The following ASAP1 variants were observed in gnomAD, a reference collection of about 807,000 sequenced individuals.
ASAP1 encodes the protein ArfGAP with SH3 domain, ankyrin repeat and PH domain 1, also known as arf-GAP with SH3 domain, ANK repeat and PH domain-containing protein 1.
Under a neutral mutation model 145.2 loss-of-function variants are expected in ASAP1, and 43 were observed. The ratio of observed to expected loss-of-function variants is 0.30; its 90% CI spans 0.23 to 0.38. The LOEUF (loss-of-function observed/expected upper bound fraction) is 0.38, where lower values mean the gene tolerates loss of function less well. ASAP1 is among the 10% of genes least tolerant of loss of function. The pLI is 1.00. For synonymous variants in ASAP1, 546 were observed against 515.5 expected (o/e 1.06, Z -0.80); for missense variants, 1,018 against 1,355.3 (o/e 0.75, Z 3.91).
intron 12 of ASAP1, among the ~76,000 whole-genome samples, chr8:130,156,459 G>A (rs1323725411): frequency 6.6e-6 from 1 of 152,146 alleles, no homozygotes; most frequent in Non-Finnish European, 1.5e-5. Flanking sequence ...GGTGAGGACC[G>A]TATCTCATTT....
At chr8:130,336,973 G>A (rs910009694) in intron 3 of ASAP1, among the ~76,000 whole-genome samples, 14 of 152,130 alleles carry the variant, frequency 9.2e-5, no homozygotes, top group African/African-American at 3.4e-4. Context: ...AAATAGTTTT[G>A]ATCTCTCAGA....
rs111643224 is a variant in ASAP1, at chr8:130,116,920, A to G, written c.1956T>C (p.Cys652=). 1,235 of 1,614,094 alleles carry G rather than the reference A, an allele frequency of 7.7e-4. 6 individuals are homozygous for G. The African/African-American group carries it at 0.013, about 17-fold the overall frequency. Reference sequence around the variant, plus strand: ...GCTTGCTCCTGAGCAAAAGCTTCAAACACTCAGGTTTACTGTACATACTAC... The same window carrying G: ...GCTTGCTCCTGAGCAAAAGCTTCAAGCACTCAGGTTTACTGTACATACTAC... ...HYCSMYSKPE[C]LKLLLRSKPT... is the part of the protein sequence containing the mutation. The change falls in exon 21 of 30, where the codon TGT becomes TGC. Residue 652 remains cysteine, a synonymous_variant. Coordinates refer to ENST00000518721, the MANE Select transcript of ASAP1 (RefSeq NM_018482.4).
At chr8:130,155,640 C>A (rs1424380961) in intron 12 of ASAP1, among the ~76,000 whole-genome samples, 1 of 152,238 alleles carries the variant, frequency 6.6e-6, no homozygotes, top group Non-Finnish European at 1.5e-5. Context: ...AGCCACTGCG[C>A]CCAGCCAGCA....
rs1422243232 is a variant in ASAP1 at position 130,358,081 on chromosome 8, G to A, written c.122C>T (p.Pro41Leu). The part of the protein sequence containing the change: ...IAETTEDYNS[P>L]TTSSFTTRLH... Reference sequence around the variant, plus strand: ...CCGCGTGGTGAAGCTGGACGTGGTGGGCGAGTTGTAGTCCTCGGTGGTCTC... The same window carrying A: ...CCGCGTGGTGAAGCTGGACGTGGTGAGCGAGTTGTAGTCCTCGGTGGTCTC... Residue 41 changes from proline to leucine, a missense_variant, in exon 3 of 30, where the codon CCC becomes CTC. Physicochemically the swap from Pro to Leu is moderately conservative, Grantham distance 98 (BLOSUM62 -3). Coordinates refer to ENST00000518721, the MANE Select transcript of ASAP1 (RefSeq NM_018482.4). This position sits in a 1 kb window ranked among gnomAD's most constrained non-coding sequence, Gnocchi z 4.1. 1 of 1,611,230 alleles carries A rather than the reference G, an allele frequency of 6.2e-7. No homozygotes were observed. Among genetic ancestry groups the A allele is most frequent in the Non-Finnish European group, 8.5e-7 (1 of 1,179,076 alleles).
chr8:130,142,639 C>A (rs1316742502), intron 13 of ASAP1, among the ~76,000 whole-genome samples: 1 of 152,204 alleles, frequency 6.6e-6, no homozygotes, highest in Non-Finnish European at 1.5e-5. Context: ...AGGTTCCACA[C>A]AGGCAGCCTC....
intron 2 of ASAP1, among the ~76,000 whole-genome samples, chr8:130,369,191 T>C (rs938607358): frequency 6.6e-6 from 1 of 152,238 alleles, no homozygotes; most frequent in Non-Finnish European, 1.5e-5. Flanking sequence ...GTGTTTCAGA[T>C]ATTTTTTTTT....
At chr8:130,372,669 T>C (rs940009537) in intron 2 of ASAP1, among the ~76,000 whole-genome samples, 13 of 152,220 alleles carry the variant, frequency 8.5e-5, no homozygotes, top group African/African-American at 1.9e-4. Context: ...TTTTTTTCTG[T>C]AGCTTGATAT....
chr8:130,276,423 A>G (rs1346442587), intron 3 of ASAP1, among the ~76,000 whole-genome samples: 1 of 152,160 alleles, frequency 6.6e-6, no homozygotes, highest in Non-Finnish European at 1.5e-5. Flanking sequence ...TATGAATTCA[A>G]AATTTAGGCT....
At chr8:130,322,176 A>G (rs1280925483) in intron 3 of ASAP1, among the ~76,000 whole-genome samples, 1 of 152,220 alleles carries the variant, frequency 6.6e-6, no homozygotes, top group East Asian at 1.9e-4. Context: ...AAAGTCAATA[A>G]AACAACTTCC....
Position 130,182,086 on chromosome 8 carries a change from G to A in ASAP1, c.531-1206C>T, listed in dbSNP as rs555097026. On this transcript the variant is annotated intron_variant, in intron 7 of 29. Coordinates refer to ENST00000518721, the MANE Select transcript of ASAP1 (RefSeq NM_018482.4). ...CTTTAATCATGCCACCTTGGCAGTC[G>A]AAGAGGCATAACAGGGATTTTAACA... is the stretch of plus-strand genomic sequence containing the variant. Among the ~76,000 whole-genome samples, 162 of 152,316 alleles carry A rather than the reference G, an allele frequency of 1.1e-3. 1 individual carries two copies. Among genetic ancestry groups the A allele is most frequent in the African/African-American group, 3.7e-3 (153 of 41,580 alleles).
intron 3 of ASAP1, among the ~76,000 whole-genome samples, chr8:130,243,179 G>C (rs2136745806): frequency 6.6e-6 from 1 of 152,184 alleles, no homozygotes; most frequent in South Asian, 2.1e-4. Flanking sequence ...TGGGAAGCCT[G>C]GTAAGGCTTC....
At chr8:130,185,930 T>C (rs975650122) in intron 7 of ASAP1, among the ~76,000 whole-genome samples, 4 of 152,146 alleles carry the variant, frequency 2.6e-5, no homozygotes, top group African/African-American at 9.7e-5. Context: ...AAAGTTGTAC[T>C]ACCTAATATT....
intron 3 of ASAP1, among the ~76,000 whole-genome samples, chr8:130,303,570 T>G (rs1822804946): frequency 6.6e-6 from 1 of 152,122 alleles, no homozygotes; most frequent in Non-Finnish European, 1.5e-5. Context: ...GGAATATTAT[T>G]TTTATATTAT....
intron 3 of ASAP1, among the ~76,000 whole-genome samples, chr8:130,299,553 T>C (rs1822496054): frequency 6.6e-6 from 1 of 152,220 alleles, no homozygotes; most frequent in Non-Finnish European, 1.5e-5. Context: ...GAAACGATGA[T>C]ATACATGTTT....
intron 27 of ASAP1, among the ~76,000 whole-genome samples, chr8:130,063,564 C>T (rs957735649): frequency 3.5e-4 from 54 of 152,262 alleles, no homozygotes; most frequent in African/African-American, 1.2e-3. Flanking sequence ...GATGGGACTA[C>T]AGGGCAGGGA....
At chr8:130,315,572 G>A (rs1823617328) in intron 3 of ASAP1, among the ~76,000 whole-genome samples, 2 of 152,154 alleles carry the variant, frequency 1.3e-5, no homozygotes, top group African/African-American at 2.4e-5. Context: ...GTCTGAATTA[G>A]GCTGAGCCAA....
At chr8:130,223,088 T>C (rs927847454) in intron 4 of ASAP1, among the ~76,000 whole-genome samples, 76 of 152,186 alleles carry the variant, frequency 5.0e-4, no homozygotes, top group African/African-American at 1.7e-3. Context: ...GGTGTCATAA[T>C]TAATATAAAA....
chr8:130,272,123 C>A (rs1272049850), intron 3 of ASAP1, among the ~76,000 whole-genome samples: 1 of 151,936 alleles, frequency 6.6e-6, no homozygotes, highest in Non-Finnish European at 1.5e-5. Context: ...GTGATCACAC[C>A]ACTGCACTAC....
intron 1 of ASAP1, among the ~76,000 whole-genome samples, chr8:130,417,055 TAC>T (rs1367595203): frequency 6.6e-6 from 1 of 150,900 alleles, no homozygotes; most frequent in African/African-American, 2.5e-5. Flanking sequence ...TACAACTGCA[TAC>T]ACACATACAC....
Sources: allele counts gnomAD v4.1 joint callset (sites outside exome capture counted in the v4.1 genomes callset), GRCh38; gene constraint gnomAD v4.1.1; non-coding constraint Gnocchi (gnomAD v3.1); transcripts MANE v1.5; gene names NCBI Gene and HGNC (gene_info 2026-07-23, HGNC 2026-07-21).